ACAP2: variants seen among roughly 807,000 people sequenced by gnomAD.
ACAP2 encodes ArfGAP with coiled-coil, ankyrin repeat and PH domains 2.
A neutral mutation model predicts 115.8 loss-of-function variants in ACAP2; 39 were observed. That is an observed-to-expected ratio of 0.34 (90% confidence interval 0.26 to 0.44). The LOEUF is 0.44. ACAP2 is among the 20% of genes least tolerant of loss of function. The probability of loss-of-function intolerance (pLI) is 1.00; values close to 1 mark genes in which losing one functional copy is unlikely to be tolerated. For missense variants in ACAP2, 662 were observed against 927.6 expected, an observed-to-expected ratio of 0.71 and a Z score of 3.72; for synonymous variants, 289 against 315.8, an observed-to-expected ratio of 0.92 and a Z score of 0.90.
intron 13 of ACAP2, among the ~76,000 whole-genome samples, chr3:195,304,298 T>C (rs1260046949): frequency 6.6e-6 from 1 of 150,828 alleles, no homozygotes; most frequent in African/African-American, 2.4e-5. Flanking sequence ...AAGGAAAGAA[T>C]ATCAATATTA....
intron 2 of ACAP2, among the ~76,000 whole-genome samples, chr3:195,386,316 T>C (rs527414631): frequency 1.2e-3 from 185 of 152,304 alleles, no homozygotes; most frequent in African/African-American, 4.1e-3. Context: ...GTGGTGATAG[T>C]TGTACAACAC....
chr3:195,312,859 A>G (rs1000372145), intron 10 of ACAP2: 5 of 152,224 alleles, frequency 3.3e-5, no homozygotes, highest in African/African-American at 9.6e-5. Flanking sequence ...AAGTAATCCA[A>G]CTGGAATGCA....
chr3:195,418,368 G>T (rs969693269), intron 1 of ACAP2, among the ~76,000 whole-genome samples: 2 of 152,152 alleles, frequency 1.3e-5, no homozygotes, highest in Non-Finnish European at 2.9e-5. Flanking sequence ...GCAGAGACAG[G>T]AGTCTTGCTC....
At chr3:195,422,114 G>T (rs1440692993) in intron 1 of ACAP2, among the ~76,000 whole-genome samples, 1 of 152,064 alleles carries the variant, frequency 6.6e-6, no homozygotes. Flanking sequence ...CTTATGAAAT[G>T]AATCAAGACA....
intron 9 of ACAP2, 121 bp from the exon 10 acceptor site, chr3:195,320,934 T>A: frequency 1.8e-6 from 1 of 568,458 alleles, no homozygotes; most frequent in Non-Finnish European, 3.1e-6. Context: ...GTTACAACAA[T>A]ATTAATAAGA....
intron 4 of ACAP2, chr3:195,356,102 G>A: frequency 4.4e-6 from 2 of 456,688 alleles, no homozygotes; most frequent in South Asian, 1.5e-5. Flanking sequence ...GAAGAGGATA[G>A]AAAAGACAGT....
chr3:195,341,933 T>C (rs1040175440), intron 6 of ACAP2, among the ~76,000 whole-genome samples: 1 of 152,084 alleles, frequency 6.6e-6, no homozygotes, highest in African/African-American at 2.4e-5. Flanking sequence ...AAGTAGGAGC[T>C]AAGTTATAGG....
intron 4 of ACAP2, among the ~76,000 whole-genome samples, chr3:195,363,871 G>A (rs1732536608): frequency 6.6e-6 from 1 of 152,126 alleles, no homozygotes; most frequent in Admixed American, 6.6e-5. Context: ...CAGGGAAAGG[G>A]CAGTCTGTTC....
chr3:195,412,730 TAAC>T (rs1200424573), intron 1 of ACAP2: 2 of 273,152 alleles, frequency 7.3e-6, no homozygotes, highest in East Asian at 9.6e-5. Flanking sequence ...GTCTTGAAGA[TAAC>T]AAATTAAAAC....
chr3:195,356,951 G>A (rs12485380), intron 4 of ACAP2, among the ~76,000 whole-genome samples: 3,006 of 151,638 alleles, frequency 0.02, 87 homozygotes, highest in South Asian at 0.081. Flanking sequence ...AAAGGGGAGG[G>A]AAAAATAAAG....
intron 10 of ACAP2, among the ~76,000 whole-genome samples, chr3:195,318,716 A>G (rs1051418995): frequency 5.3e-5 from 8 of 152,208 alleles, no homozygotes; most frequent in Non-Finnish European, 1.0e-4. Flanking sequence ...AAAAGATAAG[A>G]AATTGGAACT....
intron 1 of ACAP2, among the ~76,000 whole-genome samples, chr3:195,431,186 G>T (rs557672673): frequency 6.6e-5 from 10 of 152,070 alleles, no homozygotes; most frequent in African/African-American, 9.7e-5. Flanking sequence ...TGTTTCCAAG[G>T]TTCATCCATA....
chr3:195,377,907 C>A (rs1356472740), intron 4 of ACAP2, among the ~76,000 whole-genome samples: 1 of 152,124 alleles, frequency 6.6e-6, no homozygotes, highest in Non-Finnish European at 1.5e-5. Flanking sequence ...CACAAACAAG[C>A]TGACCAACAT....
chr3:195,327,949 T>A lies in ACAP2; in HGVS notation c.670-990A>T, dbSNP rs573546581. On this transcript the variant is annotated intron_variant, in intron 8 of 22. Transcript: ENST00000326793. The stretch of plus-strand genomic sequence containing the variant: ...CCATCAGCCCTCCACCAAAAAAAAA[T>A]ATATATATATGTATATATATAACCC... Among the ~76,000 whole-genome samples the A allele has an allele frequency of 9.9e-4, 144 of 145,426 alleles. No homozygotes were observed. In the Middle Eastern group the frequency reaches 0.018, roughly 18 times the overall value.
chr3:195,376,727 C>T (rs982607366), intron 4 of ACAP2, among the ~76,000 whole-genome samples: 26 of 152,042 alleles, frequency 1.7e-4, no homozygotes, highest in Admixed American at 6.6e-4. Context: ...TTAATCTTTA[C>T]GTGGCTAATA....
intron 1 of ACAP2, among the ~76,000 whole-genome samples, chr3:195,416,980 A>C (rs1404633808): frequency 6.6e-6 from 1 of 152,054 alleles, no homozygotes; most frequent in South Asian, 2.1e-4. Context: ...CAGTGACACA[A>C]TAATGACTCA....
At position 195,371,540 on chromosome 3, in the gene ACAP2, C is replaced by G. The variant is rs1484962050; in HGVS notation, c.285+9469G>C. On this transcript the variant is annotated intron_variant, in intron 4 of 22. Transcript: ENST00000326793. ...CTTCCTCTCTTCCTATTTGGATGCC[C>G]TTTATTTCCTTCTCTTGTCTGACTG... Among the ~76,000 whole-genome samples the G allele has an allele frequency of 2.0e-4, 31 of 152,168 alleles. 1 individual carries two copies. Among genetic ancestry groups the G allele is most frequent in the Admixed American group, 2.0e-3 (31 of 15,264 alleles).
At chr3:195,317,969 T>C (rs1012085987) in intron 10 of ACAP2, among the ~76,000 whole-genome samples, 1 of 152,140 alleles carries the variant, frequency 6.6e-6, no homozygotes, top group African/African-American at 2.4e-5. Context: ...CCACATGCCA[T>C]GGGCGGGATG....
chr3:195,295,599 AC>A, intron 17 of ACAP2, 108 bp downstream of exon 17: 1 of 1,161,652 alleles, frequency 8.6e-7, no homozygotes, highest in Non-Finnish European at 1.2e-6. Flanking sequence ...GTAGAAGGGA[AC>A]AGGTTTTTAA....
Sources: allele counts gnomAD v4.1 joint callset (sites outside exome capture counted in the v4.1 genomes callset), GRCh38; gene constraint gnomAD v4.1.1; transcripts MANE v1.5; gene names NCBI Gene and HGNC (gene_info 2026-07-23, HGNC 2026-07-21).